Variants in CDH2 observed in about 807,000 individuals in gnomAD.
CDH2 encodes cadherin-2.
Under a neutral mutation model 92.0 loss-of-function variants are expected in CDH2, and 17 were observed. The ratio of observed to expected loss-of-function variants is 0.18; its 90% CI spans 0.13 to 0.28. The LOEUF (loss-of-function observed/expected upper bound fraction) is 0.28, where lower values mean the gene tolerates loss of function less well. CDH2 is among the 10% of genes least tolerant of loss of function. CDH2 has a pLI of 1.00. For missense variants in CDH2, 862 were observed against 1,133.1 expected, an observed-to-expected ratio of 0.76 and a Z score of 3.44; for synonymous variants, 419 against 415.9, an observed-to-expected ratio of 1.01 and a Z score of -0.09.
Position 28,170,386 on chromosome 18 carries a change from C to G in CDH2, c.60+6577G>C, listed in dbSNP as rs1232059931. 2.6e-5 allele frequency among the ~76,000 whole-genome samples: 4 copies of G among 152,124 alleles called. No homozygotes were observed. The South Asian group carries it at 6.2e-4, about 24-fold the overall frequency. On this transcript the variant is annotated intron_variant, in intron 1 of 15. Transcript: ENST00000269141. ...TTTGAGGTGGAGTCTCGCTCTGTTGCCCAGGCTGGAGTGCAGTGGCATGAT... is the reference window on the plus strand; with the variant it reads ...TTTGAGGTGGAGTCTCGCTCTGTTGGCCAGGCTGGAGTGCAGTGGCATGAT...
chr18:28,119,260 T>G (rs1011651434), intron 2 of CDH2, among the ~76,000 whole-genome samples: 6 of 152,146 alleles, frequency 3.9e-5, no homozygotes, highest in Non-Finnish European at 8.8e-5. Context: ...TGTAAATGCC[T>G]TAATGCTAGG....
chr18:28,104,896 A>G (rs1219014517), intron 2 of CDH2, among the ~76,000 whole-genome samples: 3 of 152,046 alleles, frequency 2.0e-5, no homozygotes, highest in Non-Finnish European at 4.4e-5. Context: ...GTAGATAGAT[A>G]GATACTCACC....
intron 1 of CDH2, among the ~76,000 whole-genome samples, chr18:28,169,281 C>A (rs925333429): frequency 1.3e-5 from 2 of 152,036 alleles, no homozygotes; most frequent in Admixed American, 6.5e-5. Flanking sequence ...CTTAAAACTG[C>A]AGATGTGGGA....
In CDH2 at chr18:27,985,722, T is replaced by C. The variant is rs199833554; in HGVS notation, c.1781A>G (p.Tyr594Cys). The C allele has an allele frequency of 1.5e-5, 24 of 1,613,522 alleles. No individual in the cohort carries two copies. Among genetic ancestry groups the C allele is most frequent in the East Asian group, 2.2e-5 (1 of 44,862 alleles). The change falls in exon 12 of 16, where the codon TAT (tyrosine) becomes TGT (cysteine). Residue 594 changes from tyrosine to cysteine, a missense_variant. Transcript: ENST00000269141. ...PMSGTGTLQI[Y>C]LLDINDNAPQ... ...GGCATTGTCATTAATATCAAGTAAA[T>C]AGATCTGCAGCGTTCCTGTTCCACT...
chr18:28,082,529 T>C (rs753781906), intron 2 of CDH2, among the ~76,000 whole-genome samples: 50 of 151,642 alleles, frequency 3.3e-4, no homozygotes, highest in Non-Finnish European at 5.9e-4. Flanking sequence ...TTTTTGCCAA[T>C]CAGAGATTTT....
chr18:28,175,909 T>C (rs1026631867), intron 1 of CDH2, among the ~76,000 whole-genome samples: 2 of 152,148 alleles, frequency 1.3e-5, no homozygotes, highest in Non-Finnish European at 2.9e-5. Context: ...ACCAGGGCAC[T>C]GCACCCGCCC....
chr18:27,942,010 A>G (rs1204369531), intron 6 of CDH2, among the ~76,000 whole-genome samples: 1 of 152,232 alleles, frequency 6.6e-6, no homozygotes, highest in Non-Finnish European at 1.5e-5. Context: ...TATAAGGGCC[A>G]AATAAATTAT....
intron 15 of CDH2, among the ~76,000 whole-genome samples, chr18:27,956,682 C>G (rs961857641): frequency 9.9e-5 from 15 of 152,174 alleles, no homozygotes; most frequent in African/African-American, 3.1e-4. Flanking sequence ...TGATATCACT[C>G]CCGCAAGTAA....
rs577372609 is a variant in CDH2 at position 28,141,509 on chromosome 18, C to T, written c.172+6164G>A. ...TATTAAAATGGTTATTTTTATGTTA[C>T]CTGAATTTCACTTCAATAAATTATT... On this transcript the variant is annotated intron_variant, in intron 2 of 15. Transcript: ENST00000269141. Among the ~76,000 whole-genome samples, 16 of 152,062 alleles carry T rather than the reference C, an allele frequency of 1.1e-4. No individual in the cohort carries two copies. In the South Asian group the frequency reaches 1.7e-3, roughly 16 times the overall value.
Position 28,013,835 on chromosome 18 carries a change from C to T in CDH2, c.247G>A (p.Glu83Lys). The T allele has an allele frequency of 6.2e-7, 1 of 1,614,014 alleles. No homozygotes were observed. Among genetic ancestry groups the T allele is most frequent in the Non-Finnish European group, 8.5e-7 (1 of 1,179,934 alleles). Residue 83 changes from glutamate to lysine, a missense_variant, in exon 3 of 16, where the codon GAA (glutamate) becomes AAA (lysine). Physicochemically the swap from Glu to Lys is moderately conservative, Grantham distance 56. Coordinates refer to ENST00000269141, the MANE Select transcript of CDH2 (RefSeq NM_001792.5). ...CTCACGGCATACACCATGCCATCTTCATCCACCTTAAAATCTGCAGGCTCA... is the reference window on the plus strand; with the variant it reads ...CTCACGGCATACACCATGCCATCTTTATCCACCTTAAAATCTGCAGGCTCA... ...SSEPADFKVD[E>K]DGMVYAVRSF... is the part of the protein sequence containing the mutation.
intron 2 of CDH2, among the ~76,000 whole-genome samples, chr18:28,112,416 T>C (rs2015427716): frequency 6.6e-6 from 1 of 152,140 alleles, no homozygotes; most frequent in African/African-American, 2.4e-5. Flanking sequence ...GCAGAGATGA[T>C]ACCAAATGGC....
At chr18:28,030,408 G>A (rs985933442) in intron 2 of CDH2, among the ~76,000 whole-genome samples, 2 of 152,060 alleles carry the variant, frequency 1.3e-5, no homozygotes, top group Non-Finnish European at 2.9e-5. Flanking sequence ...CTTCTGGAGA[G>A]CATGGCATGG....
intron 14 of CDH2, 174 bp from the exon 15 acceptor site, chr18:27,963,695 T>C: frequency 1.7e-6 from 1 of 591,222 alleles, no homozygotes; most frequent in East Asian, 2.8e-5. Flanking sequence ...TTCACACAGC[T>C]CTTTCTTCTG....
At chr18:27,983,816 T>C (rs2012138217) in intron 13 of CDH2, among the ~76,000 whole-genome samples, 1 of 152,246 alleles carries the variant, frequency 6.6e-6, no homozygotes, top group Non-Finnish European at 1.5e-5. Context: ...CATGCCTAAG[T>C]CTTTCTTGAT....
At chr18:28,081,163 G>A (rs1227536031) in intron 2 of CDH2, among the ~76,000 whole-genome samples, 3 of 152,176 alleles carry the variant, frequency 2.0e-5, no homozygotes, top group Non-Finnish European at 4.4e-5. Context: ...TCCAGCCCAA[G>A]ATGTGATGCA....
intron 2 of CDH2, among the ~76,000 whole-genome samples, chr18:28,143,117 T>C (rs1326840516): frequency 6.6e-6 from 1 of 152,026 alleles, no homozygotes; most frequent in Non-Finnish European, 1.5e-5. Context: ...ATGGTGAGCA[T>C]GAATGGATTA....
intron 2 of CDH2, among the ~76,000 whole-genome samples, chr18:28,108,172 G>T (rs2144248079): frequency 6.6e-6 from 1 of 152,282 alleles, no homozygotes; most frequent in African/African-American, 2.4e-5. Flanking sequence ...GATAGGTGTT[G>T]AGAGGGCATG....
chr18:28,175,794 AG>A (rs1314954569), intron 1 of CDH2, among the ~76,000 whole-genome samples: 1 of 152,194 alleles, frequency 6.6e-6, no homozygotes, highest in African/African-American at 2.4e-5. Context: ...CGAGGGCGAC[AG>A]GCAGGGGGAC....
chr18:28,115,228 G>A (rs1423549731), intron 2 of CDH2, among the ~76,000 whole-genome samples: 1 of 152,122 alleles, frequency 6.6e-6, no homozygotes, highest in Non-Finnish European at 1.5e-5. Context: ...TTATGAAAGA[G>A]ATTCCTGACA....
Sources: gnomAD v4.1 joint callset for allele counts (sites outside exome capture counted in the v4.1 genomes callset) on GRCh38, gnomAD v4.1.1 for gene constraint, MANE v1.5 for transcripts, NCBI Gene and HGNC (gene_info 2026-07-23, HGNC 2026-07-21) for gene names.